PPP4R4: variants seen among roughly 807,000 people sequenced by gnomAD.
PPP4R4 encodes the protein serine/threonine-protein phosphatase 4 regulatory subunit 4.
In PPP4R4, 70 loss-of-function variants were observed where a neutral mutation model predicts 121.8. The observed-to-expected ratio is 0.57, with a 90% confidence interval of 0.47 to 0.70. The LOEUF is 0.70. PPP4R4 is among the 30% of genes least tolerant of loss of function. The probability of loss-of-function intolerance (pLI) is 0.00; values close to 1 mark genes in which losing one functional copy is unlikely to be tolerated. For missense variants in PPP4R4, 875 were observed against 1,033.6 expected (o/e 0.85, Z 2.10); for synonymous variants, 348 against 355.7 (o/e 0.98, Z 0.24).
At chr14:94,229,723 G>A (rs1474276562) in intron 3 of PPP4R4, among the ~76,000 whole-genome samples, 1 of 152,066 alleles carries the variant, frequency 6.6e-6, no homozygotes, top group African/African-American at 2.4e-5. Flanking sequence ...CTAAGTTCCA[G>A]GTTGTTCTAC....
chr14:94,238,539 G>T (rs986244891), intron 8 of PPP4R4, among the ~76,000 whole-genome samples: 7 of 152,182 alleles, frequency 4.6e-5, no homozygotes, highest in African/African-American at 1.7e-4. Flanking sequence ...TGGGGTATTT[G>T]AGTGGGAGAG....
intron 16 of PPP4R4, among the ~76,000 whole-genome samples, chr14:94,253,900 A>G (rs1405615860): frequency 6.6e-6 from 1 of 152,202 alleles, no homozygotes; most frequent in Admixed American, 6.5e-5. Context: ...AGGGATGTGC[A>G]GATAGAATGA....
intron 3 of PPP4R4, chr14:94,227,991 T>C (rs1288603800): frequency 1.7e-6 from 1 of 587,452 alleles, no homozygotes; most frequent in South Asian, 7.5e-5. Flanking sequence ...ACTTGCTGCT[T>C]CTGCTTTATA....
rs146891007 is a variant in PPP4R4 at position 94,268,496 on chromosome 14, T to C, written c.2449+1467T>C. On this transcript the variant is annotated intron_variant, in intron 23 of 24. Transcript: ENST00000304338. ...ACCTTAAGAACCAAGAGAGTAGATA[T>C]GGTCCACAGATTCTAAAACTTACAT... Among the ~76,000 whole-genome samples the C allele has an allele frequency of 7.2e-4, 109 of 152,352 alleles. 1 individual carries two copies. Among genetic ancestry groups the C allele is most frequent in the African/African-American group, 2.5e-3 (103 of 41,586 alleles).
intron 2 of PPP4R4, among the ~76,000 whole-genome samples, chr14:94,182,634 C>T (rs1225014308): frequency 6.6e-6 from 1 of 152,144 alleles, no homozygotes; most frequent in East Asian, 1.9e-4. Context: ...TATACTATTC[C>T]ATTATGTGAA....
At chr14:94,225,194 T>C (rs1328096865) in intron 3 of PPP4R4, among the ~76,000 whole-genome samples, 2 of 152,214 alleles carry the variant, frequency 1.3e-5, no homozygotes, top group South Asian at 2.1e-4. Context: ...TAATCAACTC[T>C]CTTGGCAAGG....
At chr14:94,223,346 C>T (rs1566669226) in intron 3 of PPP4R4, among the ~76,000 whole-genome samples, 2 of 152,178 alleles carry the variant, frequency 1.3e-5, no homozygotes, top group East Asian at 3.8e-4. Context: ...TTTCTTCTGG[C>T]AGACACCTAA....
intron 14 of PPP4R4, among the ~76,000 whole-genome samples, chr14:94,247,109 G>A (rs1344589612): frequency 6.6e-6 from 1 of 152,090 alleles, no homozygotes; most frequent in Admixed American, 6.5e-5. Context: ...CTCAAAACAA[G>A]GTGGCACTCA....
intron 19 of PPP4R4, among the ~76,000 whole-genome samples, chr14:94,260,192 G>A (rs749159137): frequency 6.6e-6 from 1 of 152,160 alleles, no homozygotes; most frequent in African/African-American, 2.4e-5. Context: ...TTGGGAGGCC[G>A]AGGCAGACGG....
At chr14:94,244,143 C>G (rs373395728) in intron 11 of PPP4R4, among the ~76,000 whole-genome samples, 4 of 152,272 alleles carry the variant, frequency 2.6e-5, no homozygotes, top group East Asian at 3.9e-4. Flanking sequence ...CCCAACTCCT[C>G]TCATGCTGGT....
At chr14:94,185,068 A>C (rs1042069337) in intron 2 of PPP4R4, among the ~76,000 whole-genome samples, 1 of 152,212 alleles carries the variant, frequency 6.6e-6, no homozygotes, top group African/African-American at 2.4e-5. Flanking sequence ...ATTAACAGGT[A>C]CTGGGAGTCA....
intron 3 of PPP4R4, among the ~76,000 whole-genome samples, chr14:94,215,547 A>T (rs1327333513): frequency 6.6e-6 from 1 of 152,190 alleles, no homozygotes; most frequent in East Asian, 1.9e-4. Context: ...AGGGACACTG[A>T]TAGGAAGGAA....
At chr14:94,234,238 G>A (rs565386505) in intron 6 of PPP4R4, among the ~76,000 whole-genome samples, 1 of 152,246 alleles carries the variant, frequency 6.6e-6, no homozygotes, top group Admixed American at 6.5e-5. Context: ...TATGATACAA[G>A]AGTAAAGCTG....
intron 8 of PPP4R4, 48 bp downstream of exon 8, chr14:94,237,734 C>G (rs201050006): frequency 6.3e-7 from 1 of 1,579,686 alleles, no homozygotes; most frequent in East Asian, 2.3e-5. Flanking sequence ...TGTTTTTCTA[C>G]ATGTTTTATG....
In PPP4R4 at chr14:94,208,464, T is replaced by C. The variant is rs1567115329; in HGVS notation, c.192T>C (p.Ser64=). 1 of 1,601,386 alleles carries C rather than the reference T, an allele frequency of 6.2e-7. No individual in the cohort carries two copies. Among genetic ancestry groups the C allele is most frequent in the Admixed American group, 1.7e-5 (1 of 59,680 alleles). ...TTTAAATTTGTGTTTTCTTTGTAAG[T>C]GCTGGTCAAGATGTCCAAGGAACAA... The part of the protein sequence containing the change: ...SDIERAVYLL[S]AGQDVQGTSV... The change falls in exon 3 of 25, where the codon AGT becomes AGC. Residue 64 remains serine (S), a splice_region_variant and synonymous_variant. Transcript: ENST00000304338.
chr14:94,242,020 A>G, intron 10 of PPP4R4, 63 bp downstream of exon 10: 1 of 1,454,692 alleles, frequency 6.9e-7, no homozygotes, highest in Non-Finnish European at 9.4e-7. Flanking sequence ...ATGTGCATAG[A>G]TGGCATTCAA....
chr14:94,236,008 A>G (rs1892326779), intron 7 of PPP4R4, among the ~76,000 whole-genome samples: 1 of 152,148 alleles, frequency 6.6e-6, no homozygotes, highest in Non-Finnish European at 1.5e-5. Flanking sequence ...GCCAATATTT[A>G]AGGCTCCGAA....
At chr14:94,272,901 C>A (rs892846313) in intron 23 of PPP4R4, among the ~76,000 whole-genome samples, 1 of 152,158 alleles carries the variant, frequency 6.6e-6, no homozygotes, top group Non-Finnish European at 1.5e-5. Context: ...CAAAGATGTT[C>A]CTCATATGTC....
chr14:94,245,635 T>C lies in PPP4R4; in HGVS notation c.1393T>C (p.Ser465Pro). The change falls in exon 13 of 25, where the codon TCT (serine) becomes CCT (proline). Residue 465 changes from serine to proline, a missense_variant. Ser to Pro is a moderately conservative substitution (Grantham distance 74). Coordinates refer to ENST00000304338, the MANE Select transcript of PPP4R4 (RefSeq NM_058237.2). ...DHLPEILELM[S>P]TGGESSVQEN... ...TCTTCCAGAAATCTTGGAACTTATG[T>C]CTACTGGTGGAGAAAGCAGTGTTCA... 6.2e-7 allele frequency: 1 copy of C among 1,600,964 alleles called. No individual in the cohort carries two copies. The highest frequency in any genetic ancestry group is 8.5e-7 in the Non-Finnish European group (1 of 1,169,938).
Sources: allele counts gnomAD v4.1 joint callset (sites outside exome capture counted in the v4.1 genomes callset), GRCh38; gene constraint gnomAD v4.1.1; transcripts MANE v1.5; gene names NCBI Gene and HGNC (gene_info 2026-07-23, HGNC 2026-07-21).